The following CA12 variants were observed in gnomAD, a reference collection of about 807,000 sequenced individuals.
The protein encoded by CA12 is carbonic anhydrase 12.
CA12 carries 36 observed loss-of-function variants against 46.8 expected under a neutral mutation model. That is an observed-to-expected ratio of 0.77 (90% confidence interval 0.59 to 1.02). The LOEUF (loss-of-function observed/expected upper bound fraction) is 1.02. Ranked by LOEUF, CA12 falls within the 50% of genes least tolerant of loss-of-function variation. CA12 has a pLI of 0.00. For synonymous variants in CA12, 202 were observed against 187.0 expected (o/e 1.08, Z -0.65); for missense variants, 436 against 451.4 (o/e 0.97, Z 0.31).
In CA12 at chr15:63,345,716, C is replaced by A. The variant is rs1164712121; in HGVS notation, c.287-97G>T. On this transcript the variant is annotated intron_variant, in intron 3 of 10. Transcript: ENST00000178638. The surrounding 1 kb of genome is among the most constrained non-coding windows in gnomAD (Gnocchi z 4.3). ...AATGCTCCCTCCACCCCTGCTGCCA[C>A]CCCCTGGAGCCCAGAGAGAGGCAGG... 1.4e-6 allele frequency: 2 copies of A among 1,459,860 alleles called. No individual in the cohort carries two copies. Among genetic ancestry groups the A allele is most frequent in the Non-Finnish European group, 9.3e-7 (1 of 1,076,892 alleles). The allele number at this position is 1,459,860 out of a possible 1,614,324, so 90.4% of individuals were successfully genotyped here.
rs759549185 is a variant in CA12, at chr15:63,362,330, G to C, written c.106+13328C>G. Among the ~76,000 whole-genome samples, 7 of 152,312 alleles carry C rather than the reference G, an allele frequency of 4.6e-5. No homozygotes were observed. In the South Asian group the frequency reaches 1.4e-3, roughly 32 times the overall value. On this transcript the variant is annotated intron_variant, in intron 2 of 10. Transcript: ENST00000178638. The stretch of plus-strand genomic sequence containing the variant: ...TAGACAAAGGAACCCAGGCACAGAA[G>C]GATTGACTAATATGACCAAAGTCAC...
intron 2 of CA12, among the ~76,000 whole-genome samples, chr15:63,363,228 T>A (rs910642421): frequency 6.6e-6 from 1 of 152,202 alleles, no homozygotes; most frequent in African/African-American, 2.4e-5. Context: ...TTCCTACATG[T>A]CTCCTTTTAC....
chr15:63,360,887 A>C (rs1346960616), intron 2 of CA12, among the ~76,000 whole-genome samples: 2 of 152,224 alleles, frequency 1.3e-5, no homozygotes, highest in African/African-American at 4.8e-5. Context: ...CATTGAAGGT[A>C]AGGGCTCTGT....
intron 2 of CA12, 23 bp downstream of exon 2, chr15:63,375,635 A>T (rs759431440): frequency 1.4e-6 from 2 of 1,460,162 alleles, no homozygotes; most frequent in Middle Eastern, 1.7e-4. Flanking sequence ...TTCAACAAAA[A>T]AGTATTTAAA....
rs2038848163 is a variant in CA12, at chr15:63,325,037, T to C, written c.*1248A>G. ...GGAGTTGCGCCTGTCAGAAACTGTC[T>C]GTGTGATTCGGGGAAGAATATGGAG... On this transcript the variant is annotated 3_prime_UTR_variant, in exon 11 of 11. Coordinates refer to ENST00000178638, the MANE Select transcript of CA12 (RefSeq NM_001218.5). This position sits in a 1 kb window ranked among gnomAD's most constrained non-coding sequence, Gnocchi z 4.9. The C allele has an allele frequency of 6.6e-6, 1 of 152,224 alleles. No individual in the cohort carries two copies. 9.4% of individuals were successfully genotyped at this position (152,224 alleles called of 1,614,324 possible). A position where few individuals can be genotyped will look rare whatever the true frequency, so the allele number is the denominator to read the frequency against.
At chr15:63,349,123 G>C (rs1293299969) in intron 2 of CA12, among the ~76,000 whole-genome samples, 1 of 152,170 alleles carries the variant, frequency 6.6e-6, no homozygotes, top group African/African-American at 2.4e-5. Context: ...CCCTGCTGGA[G>C]CCTCCATTGC....
chr15:63,375,598 A>G (rs2039559858), intron 2 of CA12, 60 bp downstream of exon 2: 1 of 1,140,748 alleles, frequency 8.8e-7, no homozygotes, highest in Admixed American at 1.9e-5. Flanking sequence ...TGTTTTTCTC[A>G]TTAAATACAA....
intron 2 of CA12, among the ~76,000 whole-genome samples, chr15:63,360,967 G>A (rs1363981947): frequency 6.6e-6 from 1 of 152,182 alleles, no homozygotes; most frequent in Non-Finnish European, 1.5e-5. Context: ...GCGAATCGGT[G>A]AATAAACTAT....
intron 1 of CA12, chr15:63,379,145 C>G (rs570721140): frequency 4.6e-5 from 7 of 152,334 alleles, no homozygotes; most frequent in Admixed American, 1.3e-4. Flanking sequence ...AAGGCAGCAG[C>G]CTCCAGAGCA....
chr15:63,338,062 C>G (rs2039025471), intron 8 of CA12, among the ~76,000 whole-genome samples: 1 of 152,180 alleles, frequency 6.6e-6, no homozygotes, highest in Admixed American at 6.5e-5. Flanking sequence ...CACCCCTTTC[C>G]CCTGATGCCC....
In CA12 at chr15:63,345,657, C is replaced by G. The variant is rs2039137866; in HGVS notation, c.287-38G>C. On this transcript the variant is annotated intron_variant, in intron 3 of 10. Transcript: ENST00000178638. This position sits in a 1 kb window ranked among gnomAD's most constrained non-coding sequence, Gnocchi z 4.3. ...GAGGAGCAGCCTTCAGAGCCCCGGC[C>G]AGCTGTGCACTGCCAGAGAGCAGTC... is the stretch of plus-strand genomic sequence containing the variant. The G allele has an allele frequency of 1.3e-6, 2 of 1,599,044 alleles. No homozygotes were observed. Among genetic ancestry groups the G allele is most frequent in the African/African-American group, 2.7e-5 (2 of 74,916 alleles).
At chr15:63,381,247 C>A (rs2039641213) in intron 1 of CA12, among the ~76,000 whole-genome samples, 1 of 152,164 alleles carries the variant, frequency 6.6e-6, no homozygotes, top group African/African-American at 2.4e-5. Flanking sequence ...GCACAGCAAA[C>A]CTTTCTCTGT....
intron 4 of CA12, among the ~76,000 whole-genome samples, chr15:63,342,933 G>T (rs143548153): frequency 6.6e-6 from 1 of 151,578 alleles, no homozygotes; most frequent in African/African-American, 2.4e-5. Context: ...TTCCCATTTC[G>T]AACTTTAAGT....
At chr15:63,380,310 A>AG (rs971609057) in intron 1 of CA12, among the ~76,000 whole-genome samples, 5 of 152,002 alleles carry the variant, frequency 3.3e-5, no homozygotes, top group Non-Finnish European at 7.4e-5. Flanking sequence ...GAAGAAAGGA[A>AG]GGGGAGGGAG....
intron 1 of CA12, among the ~76,000 whole-genome samples, chr15:63,379,662 C>A (rs2152628976): frequency 6.6e-6 from 1 of 152,324 alleles, no homozygotes; most frequent in African/African-American, 2.4e-5. Flanking sequence ...GGAGGTTCCC[C>A]TGGAGGGAAT....
chr15:63,327,125 C>T lies in CA12; in HGVS notation c.992+24G>A. 1 of 1,602,884 alleles carries T rather than the reference C, an allele frequency of 6.2e-7. No individual in the cohort carries two copies. Among genetic ancestry groups the T allele is most frequent in the Non-Finnish European group, 8.5e-7 (1 of 1,169,940 alleles). Reference sequence around the variant, plus strand: ...TCATGGACACATAGCTGTCCATTCCCATTTTGGACCCAAACCAGCTCACCT... The same window carrying T: ...TCATGGACACATAGCTGTCCATTCCTATTTTGGACCCAAACCAGCTCACCT... On this transcript the variant is annotated intron_variant, in intron 10 of 10. Transcript: ENST00000178638. This position sits in a 1 kb window ranked among gnomAD's most constrained non-coding sequence, Gnocchi z 4.5.
intron 8 of CA12, among the ~76,000 whole-genome samples, 193 bp downstream of exon 8, chr15:63,338,626 G>A (rs1260120034): frequency 6.6e-6 from 1 of 152,140 alleles, no homozygotes. Context: ...TTGCTTCTCT[G>A]CAAAGACTCA....
intron 2 of CA12, among the ~76,000 whole-genome samples, chr15:63,369,638 CA>C (rs1382137515): frequency 6.6e-6 from 1 of 152,162 alleles, no homozygotes; most frequent in Non-Finnish European, 1.5e-5. Flanking sequence ...GCCCAGGGAC[CA>C]CACTTTGAGA....
chr15:63,354,556 T>C (rs1487478334), intron 2 of CA12, among the ~76,000 whole-genome samples: 1 of 152,046 alleles, frequency 6.6e-6, no homozygotes, highest in Non-Finnish European at 1.5e-5. Context: ...AGACCCCATC[T>C]CTAAACAACA....
Sources: allele counts gnomAD v4.1 joint callset (sites outside exome capture counted in the v4.1 genomes callset), GRCh38; gene constraint gnomAD v4.1.1; non-coding constraint Gnocchi (gnomAD v3.1); transcripts MANE v1.5; gene names NCBI Gene and HGNC (gene_info 2026-07-23, HGNC 2026-07-21).